RBFOX1: variants seen among roughly 807,000 people sequenced by gnomAD.
RBFOX1 encodes the protein RNA binding protein fox-1 homolog 1.
RBFOX1 carries 8 observed loss-of-function variants against 57.7 expected under a neutral mutation model. The ratio of observed to expected loss-of-function variants is 0.14; its 90% confidence interval spans 0.08 to 0.25. The LOEUF is 0.25. Ranked by LOEUF, RBFOX1 falls within the 10% of genes least tolerant of loss-of-function variation. The pLI is 1.00. For synonymous variants in RBFOX1, 326 were observed against 222.4 expected (o/e 1.47, Z -4.15); for missense variants, 611 against 548.5 (o/e 1.11, Z -1.14).
At position 6,856,541 on chromosome 16, in the gene RBFOX1, G is replaced by C. The variant is rs546012636; in HGVS notation, c.-15-195516G>C. Among the ~76,000 whole-genome samples the C allele has an allele frequency of 2.0e-5, 3 of 152,236 alleles. No individual in the cohort carries two copies. In the East Asian group the frequency reaches 5.8e-4, roughly 29 times the overall value. On this transcript the variant is annotated intron_variant, in intron 3 of 15. Coordinates refer to ENST00000550418, the MANE Select transcript of RBFOX1 (RefSeq NM_018723.4). Reference sequence around the variant, plus strand: ...GTAAGAAAGGAAAATGCTCCCTCATGAATGTTCATCAAAGAGTGTTTCCCA... The same window carrying C: ...GTAAGAAAGGAAAATGCTCCCTCATCAATGTTCATCAAAGAGTGTTTCCCA...
intron 1 of RBFOX1, among the ~76,000 whole-genome samples, chr16:6,251,160 A>C (rs1161495977): frequency 6.6e-6 from 1 of 152,180 alleles, no homozygotes; most frequent in Non-Finnish European, 1.5e-5. Flanking sequence ...CTACAGTAAT[A>C]ATAACACTAG....
At chr16:6,898,972 ATG>A (rs899463578) in intron 3 of RBFOX1, among the ~76,000 whole-genome samples, 2 of 150,472 alleles carry the variant, frequency 1.3e-5, no homozygotes, top group Admixed American at 1.3e-4. Context: ...TATGTGTATG[ATG>A]TGTGTATGTG....
rs146517407 is a variant in RBFOX1, at chr16:7,152,370, A to G, written c.27+100272A>G. ...AATTAAATTATAAATTTACTACTCC[A>G]TGGTTGCATCCAGTACCTAATCCCA... On this transcript the variant is annotated intron_variant, in intron 4 of 15. Coordinates refer to ENST00000550418, the MANE Select transcript of RBFOX1 (RefSeq NM_018723.4). 4.4e-3 allele frequency among the ~76,000 whole-genome samples: 671 copies of G among 152,328 alleles called. 2 individuals carry two copies. The highest frequency in any genetic ancestry group is 0.015 in the African/African-American group (639 of 41,566).
At chr16:6,667,749 C>T (rs945866429) in intron 3 of RBFOX1, among the ~76,000 whole-genome samples, 2 of 152,014 alleles carry the variant, frequency 1.3e-5, no homozygotes. Flanking sequence ...CATAGTTAGG[C>T]ATGATGGTGC....
chr16:6,640,001 T>A (rs2098474292), intron 2 of RBFOX1, among the ~76,000 whole-genome samples: 1 of 152,184 alleles, frequency 6.6e-6, no homozygotes, highest in Non-Finnish European at 1.5e-5. Flanking sequence ...AACACCCATA[T>A]GATGATACCA....
At chr16:6,504,575 A>G (rs2096037572) in intron 2 of RBFOX1, among the ~76,000 whole-genome samples, 1 of 152,182 alleles carries the variant, frequency 6.6e-6, no homozygotes, top group Non-Finnish European at 1.5e-5. Flanking sequence ...TCTACATTCC[A>G]AACATACTGA....
At chr16:6,930,934 CAT>C (rs150999344) in intron 3 of RBFOX1, among the ~76,000 whole-genome samples, 18 of 149,440 alleles carry the variant, frequency 1.2e-4, no homozygotes, top group South Asian at 2.1e-4. Flanking sequence ...TATGTATATT[CAT>C]ATATATATAT....
chr16:7,255,730 A>C (rs959027929), intron 4 of RBFOX1, among the ~76,000 whole-genome samples: 1 of 152,238 alleles, frequency 6.6e-6, no homozygotes, highest in African/African-American at 2.4e-5. Context: ...AATAAATTTT[A>C]CTTAATATAT....
intron 2 of RBFOX1, among the ~76,000 whole-genome samples, chr16:6,324,075 C>G (rs1157320051): frequency 6.6e-6 from 1 of 152,152 alleles, no homozygotes; most frequent in Admixed American, 6.6e-5. Flanking sequence ...ACTCAGCCAA[C>G]TCTGAGCTTT....
At chr16:6,488,840 C>T (rs2153123081) in intron 2 of RBFOX1, among the ~76,000 whole-genome samples, 1 of 152,282 alleles carries the variant, frequency 6.6e-6, no homozygotes, top group South Asian at 2.1e-4. Context: ...CCCAAACCAA[C>T]AGTGCCACAG....
intron 4 of RBFOX1, among the ~76,000 whole-genome samples, chr16:7,319,172 C>A (rs977005568): frequency 6.6e-6 from 1 of 152,132 alleles, no homozygotes; most frequent in Non-Finnish European, 1.5e-5. Flanking sequence ...TGAGGCCAGC[C>A]AGGGAATCTC....
At chr16:7,077,383 T>C (rs556126902) in intron 4 of RBFOX1, among the ~76,000 whole-genome samples, 1 of 152,300 alleles carries the variant, frequency 6.6e-6, no homozygotes, top group East Asian at 1.9e-4. Flanking sequence ...AAAGTCAAAA[T>C]GGGAAATTCA....
chr16:6,794,440 A>G (rs1032869642), intron 3 of RBFOX1, among the ~76,000 whole-genome samples: 1 of 152,112 alleles, frequency 6.6e-6, no homozygotes, highest in Non-Finnish European at 1.5e-5. Flanking sequence ...GATTCCCTTC[A>G]GGATGCAGGG....
At chr16:7,165,867 T>C (rs920551537) in intron 4 of RBFOX1, among the ~76,000 whole-genome samples, 1 of 151,946 alleles carries the variant, frequency 6.6e-6, no homozygotes, top group Non-Finnish European at 1.5e-5. Flanking sequence ...CCTTTTGATG[T>C]TTTTATTCTT....
At chr16:5,934,837 G>A (rs2059136079) in intron 4 of RBFOX1, among the ~76,000 whole-genome samples, 1 of 152,234 alleles carries the variant, frequency 6.6e-6, no homozygotes, top group African/African-American at 2.4e-5. Context: ...GAGCAGGGCA[G>A]GGGACCGGGC....
At chr16:5,695,811 G>A (rs2050826788) in intron 3 of RBFOX1, among the ~76,000 whole-genome samples, 1 of 152,132 alleles carries the variant, frequency 6.6e-6, no homozygotes, top group Non-Finnish European at 1.5e-5. Context: ...CTAAAGGAAA[G>A]GAGGTAACTA....
chr16:7,182,687 CAAAGACCAGG>C (rs2082959773), intron 4 of RBFOX1, among the ~76,000 whole-genome samples: 1 of 151,416 alleles, frequency 6.6e-6, no homozygotes, highest in Non-Finnish European at 1.5e-5. Flanking sequence ...TACGATGAAG[CAAAGACCAGG>C]AAAGGGATCA....
intron 2 of RBFOX1, among the ~76,000 whole-genome samples, chr16:5,468,485 C>A (rs572837847): frequency 6.6e-6 from 1 of 152,272 alleles, no homozygotes; most frequent in African/African-American, 2.4e-5. Flanking sequence ...ACCAAGAAAA[C>A]AGTTTGGCAG....
At chr16:5,827,379 G>A (rs1238272291) in intron 3 of RBFOX1, among the ~76,000 whole-genome samples, 7 of 133,226 alleles carry the variant, frequency 5.3e-5, no homozygotes, top group Admixed American at 8.1e-5. Context: ...CAACCTGGAT[G>A]ACAGAGCAAG....
Sources: allele counts gnomAD v4.1 joint callset (sites outside exome capture counted in the v4.1 genomes callset), GRCh38; gene constraint gnomAD v4.1.1; transcripts MANE v1.5; gene names NCBI Gene and HGNC (gene_info 2026-07-23, HGNC 2026-07-21).